SCAMP1: variants seen among roughly 807,000 people sequenced by gnomAD.
The protein encoded by SCAMP1 is secretory carrier membrane protein 1, also known as secretory carrier-associated membrane protein 1.
Under a neutral mutation model 41.8 loss-of-function variants are expected in SCAMP1, and 15 were observed. That is an observed-to-expected ratio of 0.36 (90% CI 0.24 to 0.55). The LOEUF (loss-of-function observed/expected upper bound fraction) is 0.55, where lower values mean the gene tolerates loss of function less well. Ranked by LOEUF, SCAMP1 falls within the 20% of genes least tolerant of loss-of-function variation. The pLI, the probability that SCAMP1 is intolerant of heterozygous loss-of-function variation, is 0.86. For missense variants in SCAMP1, 341 were observed against 412.6 expected, an observed-to-expected ratio of 0.83 and a Z score of 1.50; for synonymous variants, 135 against 136.8, an observed-to-expected ratio of 0.99 and a Z score of 0.09.
At chr5:78,382,363 A>ATT (rs1236835982) in intron 1 of SCAMP1, among the ~76,000 whole-genome samples, 4 of 152,148 alleles carry the variant, frequency 2.6e-5, no homozygotes, top group Non-Finnish European at 5.9e-5. Flanking sequence ...TGAGATATTC[A>ATT]TTATATGTAT....
In SCAMP1 at chr5:78,475,519, C is replaced by G. The variant is rs759640596; in HGVS notation, c.868C>G (p.Arg290Gly). The G allele has an allele frequency of 8.7e-6, 14 of 1,607,192 alleles. No homozygotes were observed. The highest frequency in any genetic ancestry group is 1.2e-5 in the Non-Finnish European group (14 of 1,177,584). ...VMFKKVHGLY[R>G]TTGASFEKAQ... The stretch of plus-strand genomic sequence containing the variant: ...GCCTCTGTAGGTACATGGACTATAT[C>G]GCACAACAGGTGCTAGTTTTGAGAA... Residue 290 changes from arginine to glycine, a missense_variant, in exon 9 of 9, where the codon CGC becomes GGC. Transcript: ENST00000621999.
chr5:78,383,184 A>G (rs1346512199), intron 1 of SCAMP1, among the ~76,000 whole-genome samples: 1 of 152,172 alleles, frequency 6.6e-6, no homozygotes, highest in East Asian at 1.9e-4. Flanking sequence ...CATTTCCCTG[A>G]TAATGAGTGA....
At chr5:78,389,603 T>C (rs1751436258) in intron 2 of SCAMP1, among the ~76,000 whole-genome samples, 1 of 151,998 alleles carries the variant, frequency 6.6e-6, no homozygotes, top group African/African-American at 2.4e-5. Flanking sequence ...AATGTACAAG[T>C]ATGAAAAAAA....
At chr5:78,409,899 G>A (rs533303512) in intron 2 of SCAMP1, among the ~76,000 whole-genome samples, 167 of 152,190 alleles carry the variant, frequency 1.1e-3, no homozygotes, top group African/African-American at 3.8e-3. Flanking sequence ...ATATGCTGCT[G>A]CCAGGCTAAC....
At chr5:78,372,156 T>C (rs548083474) in intron 1 of SCAMP1, among the ~76,000 whole-genome samples, 15 of 152,228 alleles carry the variant, frequency 9.9e-5, no homozygotes, top group Admixed American at 3.3e-4. Context: ...ATATACATGC[T>C]AACGGCAGCC....
intron 2 of SCAMP1, among the ~76,000 whole-genome samples, chr5:78,403,950 CAAAAAAAAAAAA>C (rs61249151): frequency 2.2e-4 from 11 of 49,346 alleles, no homozygotes; most frequent in Middle Eastern, 0.016. Flanking sequence ...GACTCTGTCT[CAAAAAAAAAAAA>C]AAAAAAAAAA....
chr5:78,457,039 C>A (rs1463679779), intron 7 of SCAMP1, among the ~76,000 whole-genome samples: 3 of 126,038 alleles, frequency 2.4e-5, no homozygotes, highest in Admixed American at 1.5e-4. Context: ...GCTCCATCAG[C>A]TCCTTTAAGC....
At chr5:78,439,480 G>A (rs1752860166) in intron 6 of SCAMP1, among the ~76,000 whole-genome samples, 1 of 151,904 alleles carries the variant, frequency 6.6e-6, no homozygotes, top group South Asian at 2.1e-4. Flanking sequence ...ATGAAGCTTA[G>A]TTTGGCTGGA....
intron 3 of SCAMP1, among the ~76,000 whole-genome samples, chr5:78,415,963 C>T (rs1253751337): frequency 2.0e-5 from 3 of 152,036 alleles, no homozygotes; most frequent in Non-Finnish European, 4.4e-5. Flanking sequence ...GGTAAAATAA[C>T]AGTGTTAGGA....
At chr5:78,441,872 A>G (rs907832286) in intron 6 of SCAMP1, among the ~76,000 whole-genome samples, 1 of 152,098 alleles carries the variant, frequency 6.6e-6, no homozygotes, top group African/African-American at 2.4e-5. Flanking sequence ...GCTCATGTGT[A>G]TAATCCCAGC....
intron 1 of SCAMP1, among the ~76,000 whole-genome samples, chr5:78,377,003 C>G (rs949084352): frequency 3.9e-5 from 6 of 152,022 alleles, no homozygotes; most frequent in Non-Finnish European, 7.4e-5. Flanking sequence ...AGATTTTCCC[C>G]CCTACCTTGG....
intron 6 of SCAMP1, among the ~76,000 whole-genome samples, chr5:78,440,913 C>T (rs1051252469): frequency 2.0e-5 from 3 of 152,206 alleles, no homozygotes; most frequent in Non-Finnish European, 2.9e-5. Flanking sequence ...CAGTGGTGGA[C>T]GCCCCTCTCC....
intron 8 of SCAMP1, among the ~76,000 whole-genome samples, chr5:78,471,127 T>C (rs995779963): frequency 6.6e-6 from 1 of 152,130 alleles, no homozygotes; most frequent in Non-Finnish European, 1.5e-5. Context: ...AGTAAAAGCA[T>C]GTAGGATATA....
chr5:78,479,069 T>G lies in SCAMP1; in HGVS notation c.*3401T>G, dbSNP rs1456231811. The stretch of plus-strand genomic sequence containing the variant: ...TTGTTAACATCTAATTCAGTATCCT[T>G]ATTGGTACAAATCTGTGTTTGGCAT... On this transcript the variant is annotated 3_prime_UTR_variant, in exon 9 of 9. Coordinates refer to ENST00000621999, the MANE Select transcript of SCAMP1 (RefSeq NM_004866.6). 1 of 152,186 alleles carries G rather than the reference T, an allele frequency of 6.6e-6. No individual in the cohort carries two copies. Among genetic ancestry groups the G allele is most frequent in the Non-Finnish European group, 1.5e-5 (1 of 67,992 alleles). The allele number at this position is 152,186 out of a possible 1,614,324, so 9.4% of individuals were successfully genotyped here.
intron 2 of SCAMP1, among the ~76,000 whole-genome samples, chr5:78,399,939 A>G (rs1293686309): frequency 6.6e-6 from 1 of 152,058 alleles, no homozygotes; most frequent in Non-Finnish European, 1.5e-5. Flanking sequence ...ATTTAGGCCT[A>G]TGATCCATTT....
At chr5:78,379,124 A>G (rs191246538) in intron 1 of SCAMP1, among the ~76,000 whole-genome samples, 2 of 152,240 alleles carry the variant, frequency 1.3e-5, no homozygotes, top group African/African-American at 2.4e-5. Flanking sequence ...GGAAAGTCCT[A>G]GTTTAATTTT....
At chr5:78,388,140 A>ATAC (rs1330439169) in intron 1 of SCAMP1, among the ~76,000 whole-genome samples, 1 of 152,146 alleles carries the variant, frequency 6.6e-6, no homozygotes, top group Non-Finnish European at 1.5e-5. Flanking sequence ...GAGGTTCACG[A>ATAC]TGTAGGTCTC....
intron 2 of SCAMP1, among the ~76,000 whole-genome samples, chr5:78,407,205 CTTG>C (rs1414838327): frequency 2.0e-5 from 3 of 151,918 alleles, no homozygotes; most frequent in African/African-American, 7.2e-5. Context: ...TCATTTTTTT[CTTG>C]TTGTTATCCC....
At chr5:78,378,957 C>T (rs902863745) in intron 1 of SCAMP1, among the ~76,000 whole-genome samples, 2 of 152,176 alleles carry the variant, frequency 1.3e-5, no homozygotes, top group East Asian at 1.9e-4. Flanking sequence ...ATTTTACAAG[C>T]CCTCCAGGTG....
Sources: gnomAD v4.1 joint callset for allele counts (sites outside exome capture counted in the v4.1 genomes callset) on GRCh38, gnomAD v4.1.1 for gene constraint, MANE v1.5 for transcripts, NCBI Gene and HGNC (gene_info 2026-07-23, HGNC 2026-07-21) for gene names.